The following RUFY1 variants were observed in gnomAD, a reference collection of about 807,000 sequenced individuals.
RUFY1 encodes the protein RUN and FYVE domain containing 1, also known as RUN and FYVE domain-containing protein 1.
Under a neutral mutation model 94.6 loss-of-function variants are expected in RUFY1, and 54 were observed. The observed-to-expected ratio is 0.57, with a 90% confidence interval of 0.46 to 0.72. The LOEUF (loss-of-function observed/expected upper bound fraction) is 0.72. Among genes scored for constraint, RUFY1 ranks in the 30% least tolerant of loss-of-function variants. RUFY1 has a pLI of 0.00. For missense variants in RUFY1, 883 were observed against 883.9 expected (o/e 1.00, Z 0.01); for synonymous variants, 396 against 347.3 (o/e 1.14, Z -1.56).
At chr5:179,569,524 C>G in intron 5 of RUFY1, 99 bp downstream of exon 5, 1 of 1,229,396 alleles carries the variant, frequency 8.1e-7, no homozygotes, top group Non-Finnish European at 1.2e-6. Flanking sequence ...GGGCAAATGG[C>G]AAAGAGCCCA....
intron 4 of RUFY1, among the ~76,000 whole-genome samples, chr5:179,568,048 C>CAA (rs1190256799): frequency 1.1e-4 from 17 of 152,210 alleles, no homozygotes; most frequent in Non-Finnish European, 2.9e-5. Flanking sequence ...AGTTCAAAAA[C>CAA]AACCTGGACA....
Position 179,560,145 on chromosome 5 carries a change from C to T in RUFY1, c.431C>T (p.Pro144Leu). ...CGCAGCCTGGATGCGGACCATGCCC[C>T]CTTGCAGCAGTTCTTTGTAGTGATG... ...LGRSLDADHA[P>L]LQQFFVVMEH... Residue 144 changes from proline (P) to leucine (L), a missense_variant, in exon 2 of 18, where the codon CCC (proline) becomes CTC (leucine). Coordinates refer to ENST00000319449, the MANE Select transcript of RUFY1 (RefSeq NM_025158.5). 1 of 1,614,054 alleles carries T rather than the reference C, an allele frequency of 6.2e-7. No individual in the cohort carries two copies. Among genetic ancestry groups the T allele is most frequent in the East Asian group, 2.2e-5 (1 of 44,874 alleles).
intron 13 of RUFY1, 107 bp from the exon 14 acceptor site, chr5:179,598,585 A>G (rs1437749765): frequency 7.5e-7 from 1 of 1,329,444 alleles, no homozygotes; most frequent in African/African-American, 1.5e-5. Flanking sequence ...TTAGATGCTC[A>G]AGAGGCAATT....
intron 4 of RUFY1, chr5:179,569,017 A>T (rs1375440586): frequency 1.0e-6 from 1 of 984,934 alleles, no homozygotes; most frequent in Non-Finnish European, 1.2e-6. Context: ...GGGGAGAGTG[A>T]CAGGAGTCAA....
chr5:179,560,061 T>A lies in RUFY1; in HGVS notation c.347T>A (p.Leu116Gln). The A allele has an allele frequency of 6.2e-7, 1 of 1,614,002 alleles. No individual in the cohort carries two copies. Among genetic ancestry groups the A allele is most frequent in the Non-Finnish European group, 8.5e-7 (1 of 1,180,008 alleles). The change falls in exon 2 of 18, where the codon CTG (leucine) becomes CAG (glutamine). Residue 116 changes from leucine (L) to glutamine (Q), a missense_variant. Physicochemically the swap from Leu to Gln is moderately radical, Grantham distance 113 (BLOSUM62 -2). Coordinates refer to ENST00000319449, the MANE Select transcript of RUFY1 (RefSeq NM_025158.5). ...CAGATGATGGAGGAGCGTGCCAACC[T>A]GATGCACATGATGAAACTCAGCATC... ...KCQMMEERAN[L>Q]MHMMKLSIKV... is the part of the protein sequence containing the mutation.
intron 3 of RUFY1, among the ~76,000 whole-genome samples, chr5:179,563,707 T>C (rs1762612577): frequency 6.6e-6 from 1 of 152,112 alleles, no homozygotes; most frequent in Admixed American, 6.6e-5. Flanking sequence ...GGAGTCTCAC[T>C]CTTGCCCAGG....
chr5:179,598,548 G>C, intron 13 of RUFY1, 144 bp from the exon 14 acceptor site: 2 of 883,390 alleles, frequency 2.3e-6, no homozygotes, highest in South Asian at 1.6e-5. Flanking sequence ...GGTGACCCTG[G>C]AGGAGAGGGA....
chr5:179,567,474 A>G lies in RUFY1; in HGVS notation c.616A>G (p.Arg206Gly). The change falls in exon 4 of 18, where the codon AGA becomes GGA. Residue 206 changes from arginine to glycine, a missense_variant. Physicochemically the swap from Arg to Gly is moderately radical, Grantham distance 125. Transcript: ENST00000319449. Reference protein sequence around the residue: ...NLPELKTAVGRGRAWLYLALM... With the variant: ...NLPELKTAVGGGRAWLYLALM... ...TTTGAATTCTAGGACAGCTGTGGGAAGAGGCCGAGCGTGGCTTTATCTTGC... is the reference window on the plus strand; with the variant it reads ...TTTGAATTCTAGGACAGCTGTGGGAGGAGGCCGAGCGTGGCTTTATCTTGC... The G allele has an allele frequency of 3.7e-6, 6 of 1,613,752 alleles. No homozygotes were observed. Among genetic ancestry groups the G allele is most frequent in the Non-Finnish European group, 5.1e-6 (6 of 1,179,620 alleles).
intron 17 of RUFY1, chr5:179,608,521 A>T (rs2127579855): frequency 1.0e-6 from 1 of 985,046 alleles, no homozygotes; most frequent in African/African-American, 1.8e-5. Context: ...AAAGGGATCT[A>T]CTCCACCCCC....
At chr5:179,582,401 A>T (rs1049825306) in intron 7 of RUFY1, among the ~76,000 whole-genome samples, 1 of 151,988 alleles carries the variant, frequency 6.6e-6, no homozygotes, top group South Asian at 2.1e-4. Context: ...AATTTTTTGT[A>T]TTTTTTGTAG....
At chr5:179,575,504 A>G (rs1763548749) in intron 5 of RUFY1, among the ~76,000 whole-genome samples, 1 of 152,202 alleles carries the variant, frequency 6.6e-6, no homozygotes, top group African/African-American at 2.4e-5. Context: ...ATGCCTCAAG[A>G]GAAAGAGCTG....
chr5:179,559,786 C>G (rs990443732), intron 1 of RUFY1: 4 of 1,272,248 alleles, frequency 3.1e-6, no homozygotes, highest in Non-Finnish European at 4.0e-6. Context: ...GGAGAGGCCT[C>G]TGGAGCAGGA....
At chr5:179,589,347 C>T (rs537050537) in intron 8 of RUFY1, 199 bp from the exon 9 acceptor site, 6 of 526,294 alleles carry the variant, frequency 1.1e-5, no homozygotes, top group Admixed American at 3.2e-5. Context: ...GGGGCAAGGG[C>T]GGAGGAGAGA....
intron 14 of RUFY1, chr5:179,599,571 C>A (rs1490483496): frequency 6.6e-6 from 1 of 152,500 alleles, no homozygotes; most frequent in African/African-American, 2.4e-5. Flanking sequence ...GTCCAGCAGG[C>A]CTTCACTGTC....
At chr5:179,580,880 G>A (rs1256512047) in intron 6 of RUFY1, 67 bp from the exon 7 acceptor site, 11 of 860,036 alleles carry the variant, frequency 1.3e-5, no homozygotes, top group Middle Eastern at 5.5e-4. Flanking sequence ...TGGAATATTG[G>A]GGAACAGTTA....
intron 1 of RUFY1, among the ~76,000 whole-genome samples, chr5:179,552,809 T>C (rs1761928168): frequency 6.6e-6 from 1 of 152,232 alleles, no homozygotes; most frequent in East Asian, 1.9e-4. Context: ...AAGTGTTTGC[T>C]GAACAAATGC....
At chr5:179,578,209 G>GT (rs1554118458) in intron 6 of RUFY1, among the ~76,000 whole-genome samples, 6 of 152,162 alleles carry the variant, frequency 3.9e-5, no homozygotes, top group East Asian at 1.9e-4. Context: ...AGATTTGTTT[G>GT]TTTGTTTTGT....
intron 13 of RUFY1, among the ~76,000 whole-genome samples, chr5:179,597,137 C>G (rs1416350717): frequency 6.6e-6 from 1 of 152,228 alleles, no homozygotes; most frequent in Non-Finnish European, 1.5e-5. Flanking sequence ...ACTGCAACCC[C>G]CACCTCCTGG....
intron 13 of RUFY1, among the ~76,000 whole-genome samples, chr5:179,597,255 A>G (rs1277229127): frequency 2.7e-5 from 4 of 147,718 alleles, no homozygotes; most frequent in Admixed American, 1.3e-4. Flanking sequence ...TTTTTTTTTG[A>G]GACCGAGTCT....
Sources: gnomAD v4.1 joint callset for allele counts (sites outside exome capture counted in the v4.1 genomes callset) on GRCh38, gnomAD v4.1.1 for gene constraint, MANE v1.5 for transcripts, NCBI Gene and HGNC (gene_info 2026-07-23, HGNC 2026-07-21) for gene names.